VSIG10: variants seen among roughly 807,000 people sequenced by gnomAD.
VSIG10 encodes V-set and immunoglobulin domain-containing protein 10.
In VSIG10, 48 loss-of-function variants were observed where a neutral mutation model predicts 58.7. That is an observed-to-expected ratio of 0.82 (90% CI 0.65 to 1.04). VSIG10 has a LOEUF of 1.04. Ranked by LOEUF, VSIG10 falls within the 50% of genes least tolerant of loss-of-function variation. The probability of loss-of-function intolerance (pLI) is 0.00; values close to 1 mark genes in which losing one functional copy is unlikely to be tolerated. For synonymous variants in VSIG10, 260 were observed against 267.1 expected (o/e 0.97, Z 0.26); for missense variants, 628 against 670.0 (o/e 0.94, Z 0.69).
At position 118,073,694 on chromosome 12, in the gene VSIG10, C is replaced by T. The variant is rs1324146184; in HGVS notation, c.1219+5G>A. On this transcript the variant is annotated splice_donor_5th_base_variant and intron_variant, in intron 5 of 8. Coordinates refer to ENST00000359236, the MANE Select transcript of VSIG10 (RefSeq NM_019086.6). Reference sequence around the variant, plus strand: ...CCCTCCTTCAGGCCCAGTTCCACCACTCACCTTTCACACTCAGCCAGATTT... The same window carrying T: ...CCCTCCTTCAGGCCCAGTTCCACCATTCACCTTTCACACTCAGCCAGATTT... 2.5e-6 allele frequency: 4 copies of T among 1,600,022 alleles called. No homozygotes were observed. The Admixed American group carries it at 6.7e-5, about 27-fold the overall frequency.
chr12:118,095,715 TTGTTCCGG>T lies in VSIG10; in HGVS notation c.171_178del (p.Tyr57Ter). ...CGAGAGAAGGAAGACAGGCTCCGAG[TTGTTCCGG>T]TACCAGGTCACCTGGCCCCTCAGTC... On this transcript the variant is annotated stop_gained and frameshift_variant, in exon 2 of 9. Transcript: ENST00000359236. LOFTEE classifies it high-confidence loss of function. 1 of 1,613,778 alleles carries T rather than the reference TTGTTCCGG, an allele frequency of 6.2e-7. No homozygotes were observed. The highest frequency in any genetic ancestry group is 8.5e-7 in the Non-Finnish European group (1 of 1,179,856).
chr12:118,098,682 A>G lies in VSIG10; in HGVS notation c.80-2868T>C, dbSNP rs983475047. On this transcript the variant is annotated intron_variant, in intron 1 of 8. Transcript: ENST00000359236. ...CAGGAAACACTTCCCCCAGGAAGCC[A>G]AACTGAGATCTGATGGACAAGTAGG... Among the ~76,000 whole-genome samples the G allele has an allele frequency of 5.9e-5, 9 of 152,284 alleles. No homozygotes were observed. The South Asian group carries it at 8.3e-4, about 14-fold the overall frequency.
intron 4 of VSIG10, among the ~76,000 whole-genome samples, chr12:118,077,542 C>T (rs920781819): frequency 1.3e-5 from 2 of 152,122 alleles, no homozygotes; most frequent in African/African-American, 4.8e-5. Context: ...CAGACATTCT[C>T]TGACACTCCT....
At chr12:118,076,733 G>A (rs1479014673) in intron 4 of VSIG10, among the ~76,000 whole-genome samples, 1 of 151,970 alleles carries the variant, frequency 6.6e-6, no homozygotes, top group Non-Finnish European at 1.5e-5. Context: ...ACCGCTCACT[G>A]CAGCCTCAAC....
At position 118,082,304 on chromosome 12, in the gene VSIG10, C is replaced by T; in HGVS notation, c.487G>A (p.Val163Ile). The change falls in exon 3 of 9, where the codon GTT becomes ATT. Residue 163 changes from valine to isoleucine, a missense_variant. Transcript: ENST00000359236. ...CNSSSRPPPV[V>I]EWWFQALNSS... ...TTCAGGGCCTGGAACCACCATTCAA[C>T]CACGGGTGGTGGCCTGGAGCTGCTG... The T allele has an allele frequency of 6.2e-7, 1 of 1,614,002 alleles. No homozygotes were observed. Among genetic ancestry groups the T allele is most frequent in the Non-Finnish European group, 8.5e-7 (1 of 1,179,894 alleles).
rs1317112312 is a variant in VSIG10 at position 118,064,749 on chromosome 12, T to C, written c.*1890A>G. 1 of 152,196 alleles carries C rather than the reference T, an allele frequency of 6.6e-6. No homozygotes were observed. Among genetic ancestry groups the C allele is most frequent in the Non-Finnish European group, 1.5e-5 (1 of 68,056 alleles). The allele number at this position is 152,196 out of a possible 1,614,324, so 9.4% of individuals were successfully genotyped here. A position where few individuals can be genotyped will look rare whatever the true frequency, so the allele number is the denominator to read the frequency against. ...CAGCCCACTCTTGAGCTCCCCAGTG[T>C]TCTGAGCAGGGGACAGGGCATACTT... On this transcript the variant is annotated 3_prime_UTR_variant, in exon 9 of 9. Transcript: ENST00000359236.
chr12:118,068,423 C>G lies in VSIG10; in HGVS notation c.1521G>C (p.Val507=). ...TTCCCATCTGTTCTATGTTCCCATTCACCAAGGCGGTCACTCTGTGAATGT... is the reference window on the plus strand; with the variant it reads ...TTCCCATCTGTTCTATGTTCCCATTGACCAAGGCGGTCACTCTGTGAATGT... The part of the protein sequence containing the change: ...QDHIHRVTAL[V]NGNIEQMGNG... The change falls in exon 8 of 9, where the codon GTG becomes GTC. Residue 507 remains valine (V), a synonymous_variant. Coordinates refer to ENST00000359236, the MANE Select transcript of VSIG10 (RefSeq NM_019086.6). The G allele has an allele frequency of 6.2e-7, 1 of 1,613,838 alleles. No individual in the cohort carries two copies. The highest frequency in any genetic ancestry group is 8.5e-7 in the Non-Finnish European group (1 of 1,179,872).
Position 118,096,125 on chromosome 12 carries a change from CA to C in VSIG10, c.80-312del, listed in dbSNP as rs374503852. 5.6e-3 allele frequency among the ~76,000 whole-genome samples: 854 copies of C among 152,124 alleles called. 9 individuals carry two copies. Among genetic ancestry groups the C allele is most frequent in the African/African-American group, 0.019 (793 of 41,522 alleles). On this transcript the variant is annotated intron_variant, in intron 1 of 8. Coordinates refer to ENST00000359236, the MANE Select transcript of VSIG10 (RefSeq NM_019086.6). The stretch of plus-strand genomic sequence containing the variant: ...ATTTTCAAAAGGGACAGGGTTTCAC[CA>C]CCACATTGGCCAGGCTGGTCTTGAA...
At chr12:118,081,910 G>A (rs1395723414) in intron 3 of VSIG10, among the ~76,000 whole-genome samples, 2 of 151,988 alleles carry the variant, frequency 1.3e-5, no homozygotes, top group African/African-American at 4.8e-5. Context: ...CAGCTACCTC[G>A]GGAGGCTGAG....
rs1349112404 is a variant in VSIG10 at position 118,103,932 on chromosome 12, C to T, written c.-261G>A. 2.6e-6 allele frequency: 1 copy of T among 383,070 alleles called. No homozygotes were observed. The highest frequency in any genetic ancestry group is 4.6e-5 in the Admixed American group (1 of 21,640). The allele number at this position is 383,070 out of a possible 1,614,324, so 23.7% of individuals were successfully genotyped here. A position where few individuals can be genotyped will look rare whatever the true frequency, so the allele number is the denominator to read the frequency against. ...GGGCGCACCCCGCCCCCTGCGCCCGCCAGCCTACTCCTGCCGGCGGAAAAC... is the reference window on the plus strand; with the variant it reads ...GGGCGCACCCCGCCCCCTGCGCCCGTCAGCCTACTCCTGCCGGCGGAAAAC... On this transcript the variant is annotated 5_prime_UTR_variant, in exon 1 of 9. Coordinates refer to ENST00000359236, the MANE Select transcript of VSIG10 (RefSeq NM_019086.6).
intron 1 of VSIG10, among the ~76,000 whole-genome samples, chr12:118,100,943 T>C (rs1054596887): frequency 6.6e-6 from 1 of 152,212 alleles, no homozygotes; most frequent in South Asian, 2.1e-4. Context: ...TCATGCAACC[T>C]GCAGACCTGC....
intron 5 of VSIG10, among the ~76,000 whole-genome samples, chr12:118,072,124 G>T (rs1266576154): frequency 1.3e-5 from 2 of 151,112 alleles, no homozygotes; most frequent in Non-Finnish European, 2.9e-5. Context: ...AGCCAAGATC[G>T]CGCCATTGCA....
intron 5 of VSIG10, among the ~76,000 whole-genome samples, chr12:118,072,505 A>T (rs1267010012): frequency 2.0e-5 from 3 of 151,224 alleles, no homozygotes; most frequent in Non-Finnish European, 4.4e-5. Context: ...GGGGAGGGAA[A>T]GAAAAGAAGG....
At chr12:118,070,934 C>A (rs2032465475) in intron 7 of VSIG10, 118 bp downstream of exon 7, 1 of 1,212,066 alleles carries the variant, frequency 8.3e-7, no homozygotes, top group Non-Finnish European at 1.2e-6. Context: ...CAGTGTCTAG[C>A]ACATCGTAGG....
chr12:118,071,454 CCGAT>C lies in VSIG10; in HGVS notation c.1231_1234del (p.Ile411GlyfsTer8). 1 of 1,613,950 alleles carries C rather than the reference CCGAT, an allele frequency of 6.2e-7. No individual in the cohort carries two copies. The highest frequency in any genetic ancestry group is 8.5e-7 in the Non-Finnish European group (1 of 1,179,872). On this transcript the variant is annotated frameshift_variant, in exon 6 of 9. Coordinates refer to ENST00000359236, the MANE Select transcript of VSIG10 (RefSeq NM_019086.6). LOFTEE classifies it high-confidence loss of function. The stretch of plus-strand genomic sequence containing the variant: ...GCTCACAATGGTTCCCACAATCCCC[CCGAT>C]ATTTAAAGGTTCTGTAAAGACAAAT...
At chr12:118,069,180 C>T (rs140238458) in intron 7 of VSIG10, among the ~76,000 whole-genome samples, 2,182 of 152,192 alleles carry the variant, frequency 0.014, 22 homozygotes, top group Non-Finnish European at 0.02. Flanking sequence ...ACCTCCACCT[C>T]CTGGGTGCAA....
At chr12:118,094,158 C>CACGA (rs1187368158) in intron 2 of VSIG10, among the ~76,000 whole-genome samples, 1 of 151,790 alleles carries the variant, frequency 6.6e-6, no homozygotes, top group Non-Finnish European at 1.5e-5. Context: ...AGTGCAGTGG[C>CACGA]TATTGATAGG....
intron 4 of VSIG10, among the ~76,000 whole-genome samples, chr12:118,078,734 T>C (rs1234996170): frequency 6.6e-6 from 1 of 151,554 alleles, no homozygotes; most frequent in African/African-American, 2.4e-5. Context: ...TTGGGGTCAG[T>C]TCGAGACCAG....
intron 2 of VSIG10, among the ~76,000 whole-genome samples, chr12:118,089,121 G>T (rs967211099): frequency 1.3e-5 from 2 of 151,882 alleles, no homozygotes; most frequent in Non-Finnish European, 2.9e-5. Flanking sequence ...ATTAAGTTTT[G>T]TATTTTTAGT....
Sources: gnomAD v4.1 joint callset for allele counts (sites outside exome capture counted in the v4.1 genomes callset) on GRCh38, gnomAD v4.1.1 for gene constraint, MANE v1.5 for transcripts, NCBI Gene and HGNC (gene_info 2026-07-23, HGNC 2026-07-21) for gene names.